FRMD5: variants seen among roughly 807,000 people sequenced by gnomAD.
FRMD5 encodes FERM domain-containing protein 5.
In FRMD5, 20 loss-of-function variants were observed where a neutral mutation model predicts 69.0. That is an observed-to-expected ratio of 0.29 (90% confidence interval 0.20 to 0.42). FRMD5 has a LOEUF of 0.42. Ranked by LOEUF, FRMD5 falls within the 10% of genes least tolerant of loss-of-function variation. The probability of loss-of-function intolerance (pLI) is 1.00; values close to 1 mark genes in which losing one functional copy is unlikely to be tolerated. For synonymous variants in FRMD5, 271 were observed against 260.1 expected, an observed-to-expected ratio of 1.04 and a Z score of -0.40; for missense variants, 595 against 708.6, an observed-to-expected ratio of 0.84 and a Z score of 1.82.
intron 1 of FRMD5, among the ~76,000 whole-genome samples, chr15:44,126,899 T>G (rs530802244): frequency 1.7e-4 from 26 of 152,276 alleles, no homozygotes; most frequent in Non-Finnish European, 4.4e-5. Flanking sequence ...TTAAGCTAAT[T>G]AAACTAATGT....
Position 43,890,518 on chromosome 15 carries a change from C to G in FRMD5, c.728+1463G>C, listed in dbSNP as rs77502605. ...TGGTTGGAATGTGGATCTGGGCCCT[C>G]TAAAGAATATCAAATAGCCCAGATG... On this transcript the variant is annotated intron_variant, in intron 8 of 13. Coordinates refer to ENST00000417257, the MANE Select transcript of FRMD5 (RefSeq NM_032892.5). Among the ~76,000 whole-genome samples the G allele has an allele frequency of 2.9e-3, 438 of 152,274 alleles. 1 individual carries two copies. Among genetic ancestry groups the G allele is most frequent in the African/African-American group, 0.01 (422 of 41,544 alleles).
intron 1 of FRMD5, among the ~76,000 whole-genome samples, chr15:44,039,791 G>A (rs549237388): frequency 1.3e-5 from 2 of 152,138 alleles, no homozygotes; most frequent in South Asian, 4.2e-4. Flanking sequence ...ACAACTCCTC[G>A]CCAGCAAGGG....
chr15:44,058,944 A>G (rs1388662146), intron 1 of FRMD5, among the ~76,000 whole-genome samples: 1 of 152,136 alleles, frequency 6.6e-6, no homozygotes, highest in Non-Finnish European at 1.5e-5. Context: ...CTGGAAGGGG[A>G]AGCATATAGT....
chr15:44,129,913 AC>A (rs1376204742), intron 1 of FRMD5, among the ~76,000 whole-genome samples: 1 of 152,220 alleles, frequency 6.6e-6, no homozygotes, highest in African/African-American at 2.4e-5. Flanking sequence ...CAGGCAAAGC[AC>A]ATGGGTCAGC....
chr15:44,043,124 T>C (rs1009060735), intron 1 of FRMD5, among the ~76,000 whole-genome samples: 3 of 152,148 alleles, frequency 2.0e-5, no homozygotes, highest in African/African-American at 4.8e-5. Flanking sequence ...ACCATTCCTA[T>C]ACACCAATAA....
At chr15:44,183,976 C>CAAA (rs71421823) in intron 1 of FRMD5, among the ~76,000 whole-genome samples, 5 of 123,934 alleles carry the variant, frequency 4.0e-5, no homozygotes, top group South Asian at 2.6e-4. Context: ...GTCTCCGTCT[C>CAAA]AAAAAAAAAA....
At chr15:43,880,843 CTT>C (rs1435533594) in intron 13 of FRMD5, among the ~76,000 whole-genome samples, 1 of 152,236 alleles carries the variant, frequency 6.6e-6, no homozygotes, top group Non-Finnish European at 1.5e-5. Flanking sequence ...CTGTACGTCT[CTT>C]TGCATTTGGC....
rs1239093624 is a variant in FRMD5 at position 43,871,984 on chromosome 15, C to T, written c.*1901G>A. 3 of 152,134 alleles carry T rather than the reference C, an allele frequency of 2.0e-5. No homozygotes were observed. Among genetic ancestry groups the T allele is most frequent in the African/African-American group, 4.8e-5 (2 of 41,414 alleles). The allele number at this position is 152,134 out of a possible 1,614,324, so 9.4% of individuals were successfully genotyped here. On this transcript the variant is annotated 3_prime_UTR_variant, in exon 14 of 14. Coordinates refer to ENST00000417257, the MANE Select transcript of FRMD5 (RefSeq NM_032892.5). Reference sequence around the variant, plus strand: ...GTTTTATTGTCTAGAGCAGGATTGGCGTATTATGGCCTGTAGGCTAAATTC... The same window carrying T: ...GTTTTATTGTCTAGAGCAGGATTGGTGTATTATGGCCTGTAGGCTAAATTC...
chr15:43,940,064 C>A (rs2089835845), intron 1 of FRMD5, among the ~76,000 whole-genome samples: 1 of 152,164 alleles, frequency 6.6e-6, no homozygotes, highest in Admixed American at 6.5e-5. Context: ...GTAATCCCAG[C>A]CACCTGTGGG....
At chr15:43,982,622 T>C (rs2090565878) in intron 1 of FRMD5, among the ~76,000 whole-genome samples, 1 of 152,226 alleles carries the variant, frequency 6.6e-6, no homozygotes, top group Non-Finnish European at 1.5e-5. Flanking sequence ...GGCACTTTCA[T>C]CTGCATTAAG....
chr15:44,006,642 A>G (rs116088928), intron 1 of FRMD5, among the ~76,000 whole-genome samples: 1,800 of 152,322 alleles, frequency 0.012, 28 homozygotes, highest in African/African-American at 0.041. Context: ...GAGTTTGGAA[A>G]AAGTTGATTC....
intron 1 of FRMD5, among the ~76,000 whole-genome samples, chr15:43,972,364 G>T (rs552536999): frequency 4.4e-4 from 67 of 152,188 alleles, no homozygotes; most frequent in African/African-American, 1.6e-3. Context: ...GAATTTGTTT[G>T]CTTGGATTTT....
At chr15:43,886,438 G>C (rs1421837552) in intron 10 of FRMD5, among the ~76,000 whole-genome samples, 1 of 152,186 alleles carries the variant, frequency 6.6e-6, no homozygotes, top group African/African-American at 2.4e-5. Flanking sequence ...TATCTCGTTT[G>C]AAGCTGCAGA....
chr15:44,148,730 A>G (rs1191700369), intron 1 of FRMD5, among the ~76,000 whole-genome samples: 2 of 152,240 alleles, frequency 1.3e-5, no homozygotes, highest in Non-Finnish European at 2.9e-5. Flanking sequence ...GCATAATGCT[A>G]TCGCACTTAG....
At position 44,116,993 on chromosome 15, in the gene FRMD5, G is replaced by A. The variant is rs149783024; in HGVS notation, c.102+77960C>T. On this transcript the variant is annotated intron_variant, in intron 1 of 13. Coordinates refer to ENST00000417257, the MANE Select transcript of FRMD5 (RefSeq NM_032892.5). ...GCTACTCAGGGGGTGGGGCAGGGGG[G>A]TGGGCGTGGTCTGAGGCAGGAAAAT... Among the ~76,000 whole-genome samples, 20 of 151,244 alleles carry A rather than the reference G, an allele frequency of 1.3e-4. No homozygotes were observed. In the East Asian group the frequency reaches 3.9e-3, roughly 30 times the overall value.
At chr15:43,996,280 TCAGGG>T (rs1889920995) in intron 1 of FRMD5, among the ~76,000 whole-genome samples, 1 of 151,826 alleles carries the variant, frequency 6.6e-6, no homozygotes, top group Admixed American at 6.6e-5. Context: ...AGGCCTGGAG[TCAGGG>T]ACCATGGGGC....
At chr15:43,884,818 A>C in intron 11 of FRMD5, 23 bp from the exon 12 acceptor site, 2 of 1,605,706 alleles carry the variant, frequency 1.2e-6, no homozygotes, top group Non-Finnish European at 1.7e-6. Context: ...TAATAAAAAC[A>C]AGCAGCAAGA....
intron 1 of FRMD5, among the ~76,000 whole-genome samples, chr15:44,084,082 T>C (rs1212543248): frequency 6.6e-6 from 1 of 152,084 alleles, no homozygotes; most frequent in Non-Finnish European, 1.5e-5. Context: ...ATAGGGAATC[T>C]AGTTCCAACT....
At chr15:43,973,669 C>G (rs572439904) in intron 1 of FRMD5, among the ~76,000 whole-genome samples, 2 of 152,150 alleles carry the variant, frequency 1.3e-5, no homozygotes, top group East Asian at 3.9e-4. Context: ...CTCCTGGTCA[C>G]TAATGTTCTT....
Sources: allele counts gnomAD v4.1 joint callset (sites outside exome capture counted in the v4.1 genomes callset), GRCh38; gene constraint gnomAD v4.1.1; transcripts MANE v1.5; gene names NCBI Gene and HGNC (gene_info 2026-07-23, HGNC 2026-07-21).